The following CDK14 variants were observed in gnomAD, a reference collection of about 807,000 sequenced individuals.
CDK14 encodes the protein cyclin-dependent kinase 14.
In CDK14, 34 loss-of-function variants were observed where a neutral mutation model predicts 60.7. That is an observed-to-expected ratio of 0.56 (90% CI 0.43 to 0.75). The LOEUF (loss-of-function observed/expected upper bound fraction) is 0.75. CDK14 is among the 30% of genes least tolerant of loss of function. The pLI, the probability that CDK14 is intolerant of heterozygous loss-of-function variation, is 0.00. For synonymous variants in CDK14, 197 were observed against 203.7 expected (o/e 0.97, Z 0.28); for missense variants, 482 against 564.1 (o/e 0.85, Z 1.47).
intron 14 of CDK14, among the ~76,000 whole-genome samples, chr7:91,148,223 T>G (rs1279035019): frequency 6.6e-6 from 1 of 151,830 alleles, no homozygotes; most frequent in Admixed American, 6.6e-5. Flanking sequence ...ACAAAAAAAT[T>G]TTAAAAATTA....
intron 14 of CDK14, among the ~76,000 whole-genome samples, chr7:91,191,242 G>A (rs1802353444): frequency 6.6e-6 from 1 of 152,022 alleles, no homozygotes; most frequent in Non-Finnish European, 1.5e-5. Flanking sequence ...CCAAACCAGA[G>A]TTAGCAACAC....
At chr7:90,943,756 G>A (rs1794009032) in intron 8 of CDK14, among the ~76,000 whole-genome samples, 1 of 152,144 alleles carries the variant, frequency 6.6e-6, no homozygotes, top group African/African-American at 2.4e-5. Context: ...GTTCTTTAAC[G>A]TTTTGAAATC....
intron 8 of CDK14, among the ~76,000 whole-genome samples, chr7:90,954,284 C>T (rs1794343222): frequency 6.6e-6 from 1 of 151,890 alleles, no homozygotes; most frequent in South Asian, 2.1e-4. Context: ...AAGAAAAAGC[C>T]ATTTCCTTAC....
chr7:91,196,231 G>A (rs190167038), intron 14 of CDK14, among the ~76,000 whole-genome samples: 16 of 152,236 alleles, frequency 1.1e-4, no homozygotes, highest in Admixed American at 2.0e-4. Flanking sequence ...GATTGGTCAC[G>A]TTTGTCTATA....
chr7:90,906,741 T>C (rs1428463061), intron 7 of CDK14, among the ~76,000 whole-genome samples: 1 of 152,062 alleles, frequency 6.6e-6, no homozygotes, highest in African/African-American at 2.4e-5. Context: ...AATGGTAATG[T>C]ATCCTGGAAG....
At position 90,625,341 on chromosome 7, in the gene CDK14, A is replaced by T. The variant is rs557730958; in HGVS notation, c.123+21092A>T. 3.9e-5 allele frequency among the ~76,000 whole-genome samples: 6 copies of T among 152,266 alleles called. No homozygotes were observed. In the South Asian group the frequency reaches 1.0e-3, roughly 26 times the overall value. Reference sequence around the variant, plus strand: ...GGCAACATAGCGAGACTCTGTCTTTAAAAAAGGTTATTTTTAAGTGGAATA... The same window carrying T: ...GGCAACATAGCGAGACTCTGTCTTTTAAAAAGGTTATTTTTAAGTGGAATA... On this transcript the variant is annotated intron_variant, in intron 2 of 14. Coordinates refer to ENST00000380050, the MANE Select transcript of CDK14 (RefSeq NM_001287135.2).
At chr7:91,017,642 G>C (rs1462616213) in intron 10 of CDK14, among the ~76,000 whole-genome samples, 1 of 152,152 alleles carries the variant, frequency 6.6e-6, no homozygotes, top group Non-Finnish European at 1.5e-5. Context: ...ATGGTCGATA[G>C]GTGTTTGTGT....
chr7:90,785,985 T>TC (rs970133360), intron 4 of CDK14, among the ~76,000 whole-genome samples: 1 of 152,124 alleles, frequency 6.6e-6, no homozygotes, highest in African/African-American at 2.4e-5. Flanking sequence ...CTACCCAGTA[T>TC]CCCCATGTCC....
intron 4 of CDK14, among the ~76,000 whole-genome samples, chr7:90,780,257 AC>A (rs1805252087): frequency 2.0e-5 from 3 of 152,132 alleles, no homozygotes; most frequent in Non-Finnish European, 4.4e-5. Flanking sequence ...ATACTGAGGT[AC>A]AGTGTATATG....
chr7:91,017,615 A>G (rs1025471136), intron 10 of CDK14, among the ~76,000 whole-genome samples: 6 of 152,120 alleles, frequency 3.9e-5, no homozygotes, highest in African/African-American at 1.2e-4. Context: ...GTGTATTGCT[A>G]TTATTGATTA....
At chr7:90,803,406 G>A (rs558671626) in intron 5 of CDK14, among the ~76,000 whole-genome samples, 4 of 152,254 alleles carry the variant, frequency 2.6e-5, no homozygotes, top group Middle Eastern at 3.4e-3. Flanking sequence ...TTGGCAGTAG[G>A]GATAGATAGG....
intron 2 of CDK14, among the ~76,000 whole-genome samples, chr7:90,674,743 G>T (rs2027941): frequency 0.38 from 57,273 of 151,828 alleles, 11,338 homozygotes; most frequent in East Asian, 0.67. Context: ...AAACCACAGT[G>T]ACACCCTTGC....
intron 5 of CDK14, among the ~76,000 whole-genome samples, chr7:90,844,369 G>T (rs1790393359): frequency 6.6e-6 from 1 of 152,160 alleles, no homozygotes; most frequent in Admixed American, 6.5e-5. Flanking sequence ...ACAAAATGTA[G>T]GGTTTGGCCT....
At chr7:90,924,426 A>G (rs958165578) in intron 8 of CDK14, among the ~76,000 whole-genome samples, 28 of 106,030 alleles carry the variant, frequency 2.6e-4, no homozygotes, top group Non-Finnish European at 1.2e-4. Context: ...CAGTAAGTGT[A>G]AACGTTAGCT....
intron 6 of CDK14, among the ~76,000 whole-genome samples, chr7:90,872,830 C>T (rs1298090588): frequency 2.0e-5 from 3 of 152,134 alleles, no homozygotes; most frequent in African/African-American, 7.2e-5. Flanking sequence ...CACAAAAGCA[C>T]ACAGTTCTGA....
At chr7:91,188,730 A>G (rs929552960) in intron 14 of CDK14, among the ~76,000 whole-genome samples, 7 of 152,220 alleles carry the variant, frequency 4.6e-5, no homozygotes, top group African/African-American at 1.7e-4. Flanking sequence ...TAAGAAAGTA[A>G]TTCCATTGCC....
intron 5 of CDK14, among the ~76,000 whole-genome samples, chr7:90,854,504 G>A (rs1306482032): frequency 1.3e-5 from 2 of 152,036 alleles, no homozygotes; most frequent in Admixed American, 6.6e-5. Flanking sequence ...ACTCCAGCCT[G>A]GGCAATAGAG....
intron 14 of CDK14, among the ~76,000 whole-genome samples, chr7:91,175,123 A>G (rs956665402): frequency 4.0e-5 from 6 of 149,380 alleles, no homozygotes; most frequent in African/African-American, 1.2e-4. Flanking sequence ...CAGAAACCCT[A>G]CAAGCCAGAA....
chr7:91,141,242 T>C (rs1262169423), intron 14 of CDK14, among the ~76,000 whole-genome samples: 1 of 152,184 alleles, frequency 6.6e-6, no homozygotes, highest in Non-Finnish European at 1.5e-5. Context: ...AAATCGTCAG[T>C]GTGACGTAGT....
Sources: allele counts gnomAD v4.1 joint callset (sites outside exome capture counted in the v4.1 genomes callset), GRCh38; gene constraint gnomAD v4.1.1; transcripts MANE v1.5; gene names NCBI Gene and HGNC (gene_info 2026-07-23, HGNC 2026-07-21).